Variants in ANXA4 observed in about 807,000 individuals in gnomAD.
ANXA4 encodes annexin A4.
Under a neutral mutation model 49.8 loss-of-function variants are expected in ANXA4, and 39 were observed. That is an observed-to-expected ratio of 0.78 (90% confidence interval 0.61 to 1.02). ANXA4 has a LOEUF of 1.02. ANXA4 is among the 50% of genes least tolerant of loss of function. The pLI is 0.00. For missense variants in ANXA4, 360 were observed against 410.1 expected, an observed-to-expected ratio of 0.88 and a Z score of 1.05; for synonymous variants, 134 against 152.5, an observed-to-expected ratio of 0.88 and a Z score of 0.89.
In ANXA4 at chr2:69,772,490, G is replaced by A. The variant is rs115798248; in HGVS notation, c.-46-9030G>A. ...CCCTTGGGAGCTGTCATTCTGTGCA[G>A]CTAAGAGAGGCCTTAGCAATTGCTA... On this transcript the variant is annotated intron_variant, in intron 1 of 12. Transcript: ENST00000394295. Among the ~76,000 whole-genome samples, 714 of 151,570 alleles carry A rather than the reference G, an allele frequency of 4.7e-3. 3 individuals are homozygous for A. Among genetic ancestry groups the A allele is most frequent in the African/African-American group, 0.016 (664 of 41,158 alleles).
chr2:69,666,462 GA>G, intron 2 of ANXA4, among the ~76,000 whole-genome samples: 1 of 152,266 alleles, frequency 6.6e-6, no homozygotes, highest in East Asian at 1.9e-4. Context: ...ATCACCATAT[GA>G]CACAGGAATT....
intron 3 of ANXA4, among the ~76,000 whole-genome samples, chr2:69,727,296 C>T (rs72901501): frequency 0.073 from 11,120 of 152,238 alleles, 1,200 homozygotes; most frequent in African/African-American, 0.24. Context: ...GGTCATAGGA[C>T]ACACATTTGT....
chr2:69,691,748 T>C (rs1399194153), intron 2 of ANXA4, among the ~76,000 whole-genome samples: 2 of 152,120 alleles, frequency 1.3e-5, no homozygotes, highest in Non-Finnish European at 2.9e-5. Flanking sequence ...GACCTCACAT[T>C]AGCAGGACAG....
chr2:69,661,808 G>A (rs1676733347), intron 2 of ANXA4, among the ~76,000 whole-genome samples: 1 of 152,072 alleles, frequency 6.6e-6, no homozygotes, highest in South Asian at 2.1e-4. Context: ...ACTAAACCCA[G>A]GACGATTTCT....
At chr2:69,810,071 T>A (rs1673633403) in intron 6 of ANXA4, 1 of 153,686 alleles carries the variant, frequency 6.5e-6, no homozygotes, top group African/African-American at 2.4e-5. Context: ...GAAACAGGAA[T>A]ATCTTGGCTG....
chr2:69,782,593 G>A (rs557844262), intron 2 of ANXA4, among the ~76,000 whole-genome samples: 16 of 152,220 alleles, frequency 1.1e-4, no homozygotes, highest in Admixed American at 5.9e-4. Flanking sequence ...GGCCTCAAGC[G>A]ATCCTCCCAC....
chr2:69,748,251 T>A (rs1670697853), intron 1 of ANXA4, among the ~76,000 whole-genome samples: 1 of 151,804 alleles, frequency 6.6e-6, no homozygotes. Flanking sequence ...TGGTGGCGGG[T>A]GCCCGTAGGC....
intron 2 of ANXA4, among the ~76,000 whole-genome samples, chr2:69,689,984 G>A (rs75263660): frequency 0.012 from 1,768 of 151,804 alleles, 34 homozygotes; most frequent in African/African-American, 0.039. Context: ...ATAAACAGTA[G>A]CATACTATAG....
Position 69,825,650 on chromosome 2 carries a change from AGACT to A in ANXA4, c.*137_*140del. The A allele has an allele frequency of 1.6e-6, 1 of 613,954 alleles. No individual in the cohort carries two copies. 38.0% of individuals were successfully genotyped at this position (613,954 alleles called of 1,614,324 possible). A position where few individuals can be genotyped will look rare whatever the true frequency, so the allele number is the denominator to read the frequency against. ...CGCCTACAGCTGCCTCCTAGAATAT[AGACT>A]GTCTGTATTATTATTCACCTATAAT... On this transcript the variant is annotated 3_prime_UTR_variant, in exon 13 of 13. Transcript: ENST00000394295.
intron 2 of ANXA4, among the ~76,000 whole-genome samples, chr2:69,681,369 T>TTA (rs894702330): frequency 1.3e-5 from 2 of 151,094 alleles, no homozygotes; most frequent in African/African-American, 4.9e-5. Flanking sequence ...ATTTCTGATT[T>TTA]TTTTTTTTTT....
chr2:69,713,105 C>G (rs1452945629), intron 2 of ANXA4, among the ~76,000 whole-genome samples: 1 of 152,082 alleles, frequency 6.6e-6, no homozygotes, highest in African/African-American at 2.4e-5. Flanking sequence ...CATCTGACTC[C>G]AAAGCCTTAC....
chr2:69,715,512 C>A (rs1678852730), intron 2 of ANXA4, among the ~76,000 whole-genome samples: 1 of 152,180 alleles, frequency 6.6e-6, no homozygotes, highest in Non-Finnish European at 1.5e-5. Flanking sequence ...CTGGCCAAAT[C>A]ATGGTTTAGA....
intron 2 of ANXA4, among the ~76,000 whole-genome samples, chr2:69,694,964 GA>G (rs1410129714): frequency 6.6e-6 from 1 of 151,870 alleles, no homozygotes; most frequent in African/African-American, 2.4e-5. Context: ...GCAACATGGC[GA>G]AACCTCGTCT....
chr2:69,724,449 T>C (rs192794341), intron 3 of ANXA4, among the ~76,000 whole-genome samples: 2 of 152,330 alleles, frequency 1.3e-5, no homozygotes, highest in African/African-American at 4.8e-5. Context: ...TTCTAATTAG[T>C]ACAAATACGT....
chr2:69,672,837 C>A (rs371974195), intron 2 of ANXA4, among the ~76,000 whole-genome samples: 2 of 151,628 alleles, frequency 1.3e-5, no homozygotes, highest in African/African-American at 4.8e-5. Context: ...TATTTTATGA[C>A]GCTGGTAGTG....
chr2:69,710,378 TTTTTTATATCATTAAATGGCTGTAAAA>T (rs1415813908), intron 2 of ANXA4, among the ~76,000 whole-genome samples: 1 of 152,210 alleles, frequency 6.6e-6, no homozygotes, highest in Non-Finnish European at 1.5e-5. Context: ...TGTCTGTAAA[TTTTTTATATCATTAAATGGCTGTAAAA>T]TATCACCTTG....
In ANXA4 at chr2:69,736,553, C is replaced by T. The variant is rs114022023; in HGVS notation, n.864+15682C>T. Among the ~76,000 whole-genome samples, 790 of 152,234 alleles carry T rather than the reference C, an allele frequency of 5.2e-3. 4 individuals carry two copies. Among genetic ancestry groups the T allele is most frequent in the Middle Eastern group, 0.014 (4 of 294 alleles). On this transcript the variant is annotated intron_variant and non_coding_transcript_variant, in intron 3 of 3. Coordinates refer to the ANXA4 transcript ENST00000418066. ...CTATAGTATTAACTAATTACCCTTC[C>T]CCATCATTCAATTCTCAGTTGTTCA... is the stretch of plus-strand genomic sequence containing the variant.
chr2:69,791,017 T>G (rs1672670665), intron 3 of ANXA4, among the ~76,000 whole-genome samples: 5 of 152,220 alleles, frequency 3.3e-5, no homozygotes, highest in Admixed American at 3.3e-4. Flanking sequence ...AGAATAATCA[T>G]CCTTACATAA....
intron 6 of ANXA4, chr2:69,809,148 G>A (rs1317093521): frequency 6.6e-6 from 1 of 152,184 alleles, no homozygotes; most frequent in Non-Finnish European, 1.5e-5. Flanking sequence ...CAGAAATGTT[G>A]TCAATGATTC....
Sources: allele counts gnomAD v4.1 joint callset (sites outside exome capture counted in the v4.1 genomes callset), GRCh38; gene constraint gnomAD v4.1.1; transcripts MANE v1.5; gene names NCBI Gene and HGNC (gene_info 2026-07-23, HGNC 2026-07-21).